Variants in ZNF333 observed in about 807,000 individuals in gnomAD.
ZNF333 encodes zinc finger protein 333.
ZNF333 carries 61 observed loss-of-function variants against 76.1 expected under a neutral mutation model. That is an observed-to-expected ratio of 0.80 (90% confidence interval 0.65 to 0.99). ZNF333 has a LOEUF of 0.99. ZNF333 is among the 50% of genes least tolerant of loss of function. ZNF333 has a pLI of 0.00. For synonymous variants in ZNF333, 284 were observed against 305.0 expected, an observed-to-expected ratio of 0.93 and a Z score of 0.72; for missense variants, 717 against 822.4, an observed-to-expected ratio of 0.87 and a Z score of 1.57.
chr19:14,731,316 G>T, exon 12 of ZNF333: 1 of 933,588 alleles, frequency 1.1e-6, no homozygotes. Flanking sequence ...TTGCAGGTCA[G>T]TGGCCTTGGA....
chr19:14,718,926 G>A lies in ZNF333; in HGVS notation c.1599G>A (p.Leu533=). Residue 533 remains leucine, a synonymous_variant, in exon 12 of 12, where the codon CTG becomes CTA. Transcript: ENST00000292530. ...AGAGGATACACACAGGGGAGAAACT[G>A]TATGAGTGCGCGACTTGCGGTCAGG... The part of the protein sequence containing the change: ...VHKRIHTGEK[L]YECATCGQVL... The A allele has an allele frequency of 6.2e-7, 1 of 1,613,728 alleles. No individual in the cohort carries two copies. Among genetic ancestry groups the A allele is most frequent in the East Asian group, 2.2e-5 (1 of 44,850 alleles).
chr19:14,692,110 A>C (rs1232948828), intron 1 of ZNF333, among the ~76,000 whole-genome samples: 1 of 144,816 alleles, frequency 6.9e-6, no homozygotes, highest in Non-Finnish European at 1.5e-5. Context: ...GTACATGGGG[A>C]AACAGTGGGA....
At chr19:14,712,140 G>T (rs2042295022) in intron 7 of ZNF333, among the ~76,000 whole-genome samples, 1 of 152,058 alleles carries the variant, frequency 6.6e-6, no homozygotes, top group Non-Finnish European at 1.5e-5. Flanking sequence ...AGAGGGGTGA[G>T]ATTTCTGATC....
At chr19:14,692,383 C>T (rs914627083) in intron 1 of ZNF333, among the ~76,000 whole-genome samples, 1 of 152,122 alleles carries the variant, frequency 6.6e-6, no homozygotes, top group African/African-American at 2.4e-5. Context: ...CAGTACGAAG[C>T]CTGCTGTGTT....
chr19:14,703,073 G>A (rs372940724), intron 5 of ZNF333, among the ~76,000 whole-genome samples: 2 of 151,878 alleles, frequency 1.3e-5, no homozygotes, highest in African/African-American at 2.4e-5. Context: ...GCGTGGTGGC[G>A]GGCGCCTGTA....
At chr19:14,691,544 T>C (rs1274011532) in intron 1 of ZNF333, among the ~76,000 whole-genome samples, 1 of 152,138 alleles carries the variant, frequency 6.6e-6, no homozygotes, top group Non-Finnish European at 1.5e-5. Context: ...AAAGAATATA[T>C]GCGCTTGCCT....
intron 5 of ZNF333, among the ~76,000 whole-genome samples, chr19:14,703,663 A>G (rs2042028464): frequency 6.6e-6 from 1 of 152,356 alleles, no homozygotes; most frequent in South Asian, 2.1e-4. Context: ...AGCCCAGGCC[A>G]GAGCCTTTCT....
At chr19:14,699,672 G>A (rs1156748698) in intron 5 of ZNF333, among the ~76,000 whole-genome samples, 1 of 152,078 alleles carries the variant, frequency 6.6e-6, no homozygotes, top group Non-Finnish European at 1.5e-5. Context: ...GTGTTGGCCA[G>A]GCTGGTCTCG....
Position 14,701,486 on chromosome 19 carries a change from C to T in ZNF333, c.306+2205C>T, listed in dbSNP as rs976157084. 10 of 722,492 alleles carry T rather than the reference C, an allele frequency of 1.4e-5. No individual in the cohort carries two copies. The African/African-American group carries it at 1.9e-4, about 14-fold the overall frequency. 44.8% of individuals were successfully genotyped at this position (722,492 alleles called of 1,614,324 possible). ...GCAGGGCATTCTGTGTGTCATGTAG[C>T]CCCCAGTGCTTGTTGAATGAAGGAA... is the stretch of plus-strand genomic sequence containing the variant. On this transcript the variant is annotated intron_variant, in intron 5 of 11. Coordinates refer to ENST00000292530, the MANE Select transcript of ZNF333 (RefSeq NM_032433.4).
intron 1 of ZNF333, among the ~76,000 whole-genome samples, chr19:14,691,720 A>G (rs927658198): frequency 3.8e-5 from 5 of 132,322 alleles, no homozygotes; most frequent in Non-Finnish European, 7.6e-5. Flanking sequence ...TTCATCACCC[A>G]GGCTGGAGTG....
At chr19:14,706,846 C>A in intron 7 of ZNF333, 73 bp downstream of exon 7, 2 of 1,299,832 alleles carry the variant, frequency 1.5e-6, no homozygotes, top group Non-Finnish European at 2.2e-6. Context: ...GAACTTGTAT[C>A]CTATCCTGCC....
intron 9 of ZNF333, 26 bp downstream of exon 9, chr19:14,716,264 CT>C (rs370162857): frequency 0.08 from 81,598 of 1,025,364 alleles, no homozygotes; most frequent in South Asian, 0.13. Context: ...CTTTTCTTTC[CT>C]TTTTTTTTTT....
chr19:14,695,087 G>A lies in ZNF333; in HGVS notation c.81G>A (p.Leu27=). Residue 27 remains leucine (L), a synonymous_variant, in exon 3 of 12, where the codon CTG becomes CTA. Coordinates refer to ENST00000292530, the MANE Select transcript of ZNF333 (RefSeq NM_032433.4). ...TGCTGGACAGCGCACGGAGGAGCCT[G>A]TGCAAATACAGGATGCTTGACCAGT... The part of the protein sequence containing the change: ...WALLDSARRS[L]CKYRMLDQCR... 6.2e-7 allele frequency: 1 copy of A among 1,614,126 alleles called. No individual in the cohort carries two copies. Among genetic ancestry groups the A allele is most frequent in the Non-Finnish European group, 8.5e-7 (1 of 1,179,974 alleles).
chr19:14,716,044 C>T (rs2042419807), intron 8 of ZNF333, 68 bp from the exon 9 acceptor site: 2 of 1,595,866 alleles, frequency 1.3e-6, no homozygotes, highest in Non-Finnish European at 1.7e-6. Flanking sequence ...GGCTTGCCAG[C>T]CTCCAGCATC....
chr19:14,705,649 C>T (rs1004625423), intron 6 of ZNF333, among the ~76,000 whole-genome samples: 2 of 152,214 alleles, frequency 1.3e-5, no homozygotes, highest in African/African-American at 4.8e-5. Flanking sequence ...GGCCGTGGAC[C>T]AGTACTAGCC....
At chr19:14,715,531 C>T in intron 8 of ZNF333, 61 bp downstream of exon 8, 1 of 1,496,158 alleles carries the variant, frequency 6.7e-7, no homozygotes, top group Non-Finnish European at 9.2e-7. Context: ...GACTTACCTT[C>T]TTCCTGTGAC....
chr19:14,727,283 C>T (rs1182248452), intron 11 of ZNF333, among the ~76,000 whole-genome samples: 12 of 152,172 alleles, frequency 7.9e-5, no homozygotes, highest in Non-Finnish European at 1.5e-4. Context: ...CCGCCTTGGC[C>T]TCCCAAAATG....
intron 11 of ZNF333, among the ~76,000 whole-genome samples, chr19:14,727,024 C>CTTTTT (rs33936016): frequency 5.1e-4 from 36 of 70,100 alleles, no homozygotes; most frequent in Non-Finnish European, 6.2e-4. Flanking sequence ...AGAAAAGAGG[C>CTTTTT]TTTTTTTTTT....
chr19:14,724,777 A>G (rs2042623856), downstream of ZNF333, among the ~76,000 whole-genome samples: 2 of 151,996 alleles, frequency 1.3e-5, no homozygotes, highest in African/African-American at 4.8e-5. Flanking sequence ...AAAAAGAAAA[A>G]CTTTGTTTAA....
Sources: gnomAD v4.1 joint callset for allele counts (sites outside exome capture counted in the v4.1 genomes callset) on GRCh38, gnomAD v4.1.1 for gene constraint, MANE v1.5 for transcripts, NCBI Gene and HGNC (gene_info 2026-07-23, HGNC 2026-07-21) for gene names.